PRAG1: variants seen among roughly 807,000 people sequenced by gnomAD.
PRAG1 encodes PEAK1 related, kinase-activating pseudokinase 1, also known as inactive tyrosine-protein kinase PRAG1.
In PRAG1, 110 loss-of-function variants were observed where a neutral mutation model predicts 95.6. That is an observed-to-expected ratio of 1.15 (90% CI 0.99 to 1.35). The LOEUF (loss-of-function observed/expected upper bound fraction) is 1.35, where lower values mean the gene tolerates loss of function less well. PRAG1 is among the 40% of genes most tolerant of loss of function. The pLI is 0.00. For missense variants in PRAG1, 2,554 were observed against 1,864.7 expected (o/e 1.37, Z -6.81); for synonymous variants, 1,052 against 819.4 (o/e 1.28, Z -4.85).
chr8:8,354,514 A>G (rs879382409), intron 3 of PRAG1, among the ~76,000 whole-genome samples: 7 of 152,222 alleles, frequency 4.6e-5, no homozygotes, highest in Non-Finnish European at 7.3e-5. Flanking sequence ...TTGCTGATGA[A>G]TATTAATTCA....
chr8:8,378,123 A>G (rs775179818), intron 2 of PRAG1, 45 bp from the exon 3 acceptor site: 1 of 1,502,298 alleles, frequency 6.7e-7, no homozygotes, highest in Non-Finnish European at 8.8e-7. Context: ...AGAACTTGTC[A>G]TAGAAAAAAG....
At chr8:8,368,692 A>G (rs1014066463) in intron 3 of PRAG1, among the ~76,000 whole-genome samples, 1 of 152,202 alleles carries the variant, frequency 6.6e-6, no homozygotes, top group Non-Finnish European at 1.5e-5. Flanking sequence ...TTCTAGGAAC[A>G]AAGTCCCTCT....
In PRAG1 at chr8:8,376,944, A is replaced by T. The variant is rs1292740334; in HGVS notation, c.1465T>A (p.Tyr489Asn). ...AHPEEDHRTI[Y>N]LSSPDSAVGV... ...ACTGCAGAGTCAGGGCTGCTCAGGT[A>T]GATCGTCCGATGGTCCTCTTCCGGG... The change falls in exon 3 of 6, where the codon TAC becomes AAC. Residue 489 changes from tyrosine (Y) to asparagine (N), a missense_variant. Physicochemically the swap from Tyr to Asn is moderately radical, Grantham distance 143. Transcript: ENST00000615670. 6.2e-7 allele frequency: 1 copy of T among 1,613,410 alleles called. No individual in the cohort carries two copies. Among genetic ancestry groups the T allele is most frequent in the Non-Finnish European group, 8.5e-7 (1 of 1,179,998 alleles).
chr8:8,352,822 A>G (rs1419777954), intron 3 of PRAG1, among the ~76,000 whole-genome samples: 2 of 152,218 alleles, frequency 1.3e-5, no homozygotes, highest in Non-Finnish European at 2.9e-5. Flanking sequence ...CTTACAAAAA[A>G]TCCATTTTAG....
At chr8:8,360,975 G>A (rs1339342608) in intron 3 of PRAG1, among the ~76,000 whole-genome samples, 2 of 152,272 alleles carry the variant, frequency 1.3e-5, no homozygotes, top group Admixed American at 6.5e-5. Context: ...CGGCTCTGTG[G>A]ATCATATTTC....
intron 4 of PRAG1, among the ~76,000 whole-genome samples, chr8:8,330,471 T>C (rs772282605): frequency 1.3e-5 from 2 of 152,214 alleles, no homozygotes; most frequent in East Asian, 1.9e-4. Flanking sequence ...ATCAAGATCA[T>C]AGGGAGTTGC....
intron 4 of PRAG1, among the ~76,000 whole-genome samples, chr8:8,338,510 G>A (rs964147481): frequency 1.3e-5 from 2 of 152,164 alleles, no homozygotes; most frequent in African/African-American, 2.4e-5. Context: ...GAAGATAAGA[G>A]CCTAGAAAAA....
chr8:8,369,671 C>A (rs1800127568), intron 3 of PRAG1, among the ~76,000 whole-genome samples: 1 of 151,068 alleles, frequency 6.6e-6, no homozygotes, highest in Non-Finnish European at 1.5e-5. Flanking sequence ...CTTCAAAGTG[C>A]ATCTGGTCTA....
chr8:8,321,950 C>T (rs995583444), intron 5 of PRAG1, among the ~76,000 whole-genome samples: 1 of 152,176 alleles, frequency 6.6e-6, no homozygotes, highest in African/African-American at 2.4e-5. Context: ...CAGTATTCAA[C>T]CTTGTTTCAT....
chr8:8,368,508 G>T (rs193289737), intron 3 of PRAG1, among the ~76,000 whole-genome samples: 17 of 152,298 alleles, frequency 1.1e-4, no homozygotes, highest in Non-Finnish European at 2.5e-4. Flanking sequence ...AAGAGACACA[G>T]GATATTCTTT....
intron 3 of PRAG1, among the ~76,000 whole-genome samples, chr8:8,357,384 G>T (rs955889810): frequency 6.6e-6 from 1 of 151,958 alleles, no homozygotes; most frequent in Non-Finnish European, 1.5e-5. Context: ...ACTTAAATTT[G>T]TCAAAAAACA....
chr8:8,328,129 C>T lies in PRAG1; in HGVS notation c.2653G>A (p.Ala885Thr), dbSNP rs371954058. 6.2e-7 allele frequency: 1 copy of T among 1,614,112 alleles called. No individual in the cohort carries two copies. Among genetic ancestry groups the T allele is most frequent in the African/African-American group, 1.3e-5 (1 of 75,070 alleles). ...AGCCAGTGGCCACTGCCTTTGAAAG[C>T]TTTCTCCAGAGGATCGGAAGAGGAG... ...VFSSSDPLEK[A>T]FKGSGHWLPA... Residue 885 changes from alanine (A) to threonine (T), a missense_variant, in exon 5 of 6, where the codon GCT (alanine) becomes ACT (threonine). Physicochemically the swap from Ala to Thr is moderately conservative, Grantham distance 58. Transcript: ENST00000615670.
In PRAG1 at chr8:8,364,756, C is replaced by T. The variant is rs4840339; in HGVS notation, c.2162+11491G>A. Among the ~76,000 whole-genome samples, 409 of 151,986 alleles carry T rather than the reference C, an allele frequency of 2.7e-3. 8 individuals are homozygous for T. Among genetic ancestry groups the T allele is most frequent in the Admixed American group, 0.025 (382 of 15,268 alleles). ...TACTTTTCCTACCAATGTATGGTCA[C>T]GGCTCCACCTAAAAGAAGTCTTCAA... is the stretch of plus-strand genomic sequence containing the variant. On this transcript the variant is annotated intron_variant, in intron 3 of 5. Transcript: ENST00000615670.
At position 8,328,229 on chromosome 8, in the gene PRAG1, G is replaced by A; in HGVS notation, c.2553C>T (p.His851=). The A allele has an allele frequency of 6.2e-7, 1 of 1,614,216 alleles. No individual in the cohort carries two copies. The highest frequency in any genetic ancestry group is 8.5e-7 in the Non-Finnish European group (1 of 1,180,044). ...ATTCGTCGTGGACGTTGGTTTCCGA[G>A]TGGCTTAGGTTCAGCTTGGGGCTTG... ...GTASPKLNLS[H]SETNVHDESH... The change falls in exon 5 of 6, where the codon CAC becomes CAT. Residue 851 remains histidine (H), a synonymous_variant. Coordinates refer to ENST00000615670, the MANE Select transcript of PRAG1 (RefSeq NM_001080826.3).
intron 3 of PRAG1, among the ~76,000 whole-genome samples, chr8:8,372,879 T>C (rs1014549181): frequency 1.3e-5 from 2 of 152,196 alleles, no homozygotes; most frequent in Admixed American, 6.5e-5. Context: ...TCTTCCATAA[T>C]GACCTAAGGA....
chr8:8,372,261 C>G (rs1241185692), intron 3 of PRAG1, among the ~76,000 whole-genome samples: 1 of 152,210 alleles, frequency 6.6e-6, no homozygotes, highest in African/African-American at 2.4e-5. Flanking sequence ...CCCAAGTGAT[C>G]CACCCGCCTT....
intron 3 of PRAG1, among the ~76,000 whole-genome samples, chr8:8,357,278 C>T (rs146240652): frequency 6.6e-6 from 1 of 152,032 alleles, no homozygotes; most frequent in African/African-American, 2.4e-5. Flanking sequence ...ATTTCAAATC[C>T]TACATCTGAT....
intron 3 of PRAG1, among the ~76,000 whole-genome samples, chr8:8,366,958 C>A (rs1800028404): frequency 6.6e-6 from 1 of 152,098 alleles, no homozygotes; most frequent in Non-Finnish European, 1.5e-5. Flanking sequence ...CAGGTATGAG[C>A]CACCGTGCCC....
At position 8,318,546 on chromosome 8, in the gene PRAG1, G is replaced by T; in HGVS notation, c.3829C>A (p.Leu1277Met). 6.2e-7 allele frequency: 1 copy of T among 1,613,592 alleles called. No individual in the cohort carries two copies. Among genetic ancestry groups the T allele is most frequent in the Non-Finnish European group, 8.5e-7 (1 of 1,179,956 alleles). ...TCCTGCCGGTAGTCTCTCTCCCGCA[G>T]CTGGGCGCGCACCTCGAACGGGTTG... ...QPNPFEVRAQ[L>M]RERDYRQEDL... The change falls in exon 6 of 6, where the codon CTG (leucine) becomes ATG (methionine). Residue 1277 changes from leucine to methionine, a missense_variant. Transcript: ENST00000615670. This position sits in a 1 kb window ranked among gnomAD's most constrained non-coding sequence, Gnocchi z 4.2.
Sources: gnomAD v4.1 joint callset for allele counts (sites outside exome capture counted in the v4.1 genomes callset) on GRCh38, gnomAD v4.1.1 for gene constraint, Gnocchi (gnomAD v3.1) non-coding constraint, MANE v1.5 for transcripts, NCBI Gene and HGNC (gene_info 2026-07-23, HGNC 2026-07-21) for gene names.